SPIDR: variants seen among roughly 807,000 people sequenced by gnomAD.
The protein encoded by SPIDR is DNA repair-scaffolding protein.
Under a neutral mutation model 104.6 loss-of-function variants are expected in SPIDR, and 93 were observed. That is an observed-to-expected ratio of 0.89 (90% CI 0.75 to 1.06). SPIDR has a LOEUF of 1.06. Ranked by LOEUF, SPIDR falls within the 50% of genes least tolerant of loss-of-function variation. SPIDR has a pLI of 0.00. For synonymous variants in SPIDR, 431 were observed against 416.9 expected, an observed-to-expected ratio of 1.03 and a Z score of -0.41; for missense variants, 1,154 against 1,111.2, an observed-to-expected ratio of 1.04 and a Z score of -0.55.
chr8:47,480,996 A>T (rs1387379286), intron 8 of SPIDR, among the ~76,000 whole-genome samples: 3 of 152,260 alleles, frequency 2.0e-5, no homozygotes, highest in African/African-American at 7.2e-5. Context: ...GTTCAAGATA[A>T]TTGGCAAAGC....
At chr8:47,298,928 G>A (rs369120883) in intron 5 of SPIDR, among the ~76,000 whole-genome samples, 2,981 of 152,238 alleles carry the variant, frequency 0.02, 237 homozygotes, top group Admixed American at 0.14. Flanking sequence ...GATTGACTTG[G>A]CAATGCAGGC....
At chr8:47,409,646 A>G (rs547379900) in intron 7 of SPIDR, among the ~76,000 whole-genome samples, 2 of 152,354 alleles carry the variant, frequency 1.3e-5, no homozygotes, top group South Asian at 4.1e-4. Flanking sequence ...ATTCTTCTAA[A>G]TAGATCACTC....
intron 8 of SPIDR, among the ~76,000 whole-genome samples, chr8:47,517,633 AC>A (rs1310900284): frequency 2.0e-5 from 3 of 152,256 alleles, no homozygotes; most frequent in African/African-American, 7.2e-5. Flanking sequence ...TCAGAAAAAA[AC>A]ATACTTTTAA....
At chr8:47,585,335 A>C (rs1003333634) in intron 8 of SPIDR, among the ~76,000 whole-genome samples, 5 of 152,212 alleles carry the variant, frequency 3.3e-5, no homozygotes, top group Admixed American at 2.0e-4. Context: ...AGTCTTAAAG[A>C]CTGGAAAACT....
chr8:47,630,277 A>C (rs1199627552), intron 10 of SPIDR, among the ~76,000 whole-genome samples: 1 of 152,226 alleles, frequency 6.6e-6, no homozygotes, highest in East Asian at 1.9e-4. Context: ...AAGGAAAAAC[A>C]TGTAAAATAT....
At chr8:47,386,895 A>C (rs2059976490) in intron 5 of SPIDR, among the ~76,000 whole-genome samples, 1 of 75,810 alleles carries the variant, frequency 1.3e-5, no homozygotes, top group South Asian at 3.8e-4. Context: ...AGAGAGAAAG[A>C]GAGAGAGAGA....
intron 1 of SPIDR, among the ~76,000 whole-genome samples, chr8:47,263,042 T>G (rs1474620214): frequency 6.6e-6 from 1 of 152,250 alleles, no homozygotes; most frequent in Non-Finnish European, 1.5e-5. Context: ...CTAATTTAAT[T>G]ATTTTAACAG....
At position 47,718,932 on chromosome 8, in the gene SPIDR, G is replaced by A. The variant is rs896445415; in HGVS notation, c.2341+5291G>A. 9.9e-5 allele frequency among the ~76,000 whole-genome samples: 15 copies of A among 152,024 alleles called. 1 individual carries two copies. Among genetic ancestry groups the A allele is most frequent in the Admixed American group, 7.9e-4 (12 of 15,254 alleles). ...TTCTTGATGCTCTCCCTTCCCCTAC[G>A]CAGGGCTCCTTCTAAATAGAGAAAA... is the stretch of plus-strand genomic sequence containing the variant. On this transcript the variant is annotated intron_variant, in intron 16 of 19. Transcript: ENST00000297423.
chr8:47,355,241 C>T (rs552871122), intron 5 of SPIDR, among the ~76,000 whole-genome samples: 3 of 148,474 alleles, frequency 2.0e-5, no homozygotes, highest in South Asian at 4.2e-4. Context: ...CAGGCGTGAG[C>T]CACCATGCCT....
At chr8:47,653,041 T>C (rs2071973256) in intron 10 of SPIDR, among the ~76,000 whole-genome samples, 1 of 152,178 alleles carries the variant, frequency 6.6e-6, no homozygotes, top group South Asian at 2.1e-4. Flanking sequence ...TATAAGCAAC[T>C]GTCTTCTCAT....
intron 11 of SPIDR, among the ~76,000 whole-genome samples, chr8:47,687,735 TC>T (rs1365228246): frequency 6.6e-6 from 1 of 152,214 alleles, no homozygotes; most frequent in Non-Finnish European, 1.5e-5. Flanking sequence ...TCCATGTTTT[TC>T]TTTACAGTTA....
intron 10 of SPIDR, among the ~76,000 whole-genome samples, chr8:47,649,815 A>G (rs2071272714): frequency 6.6e-6 from 1 of 152,244 alleles, no homozygotes; most frequent in South Asian, 2.1e-4. Flanking sequence ...ATACAGGTCA[A>G]TAAATATGAT....
chr8:47,547,185 G>T (rs2089558412), intron 8 of SPIDR: 2 of 642,996 alleles, frequency 3.1e-6, no homozygotes, highest in Non-Finnish European at 5.8e-6. Context: ...CCAGATGAGG[G>T]ATTCCTTTTG....
chr8:47,602,782 T>A (rs1441184688), intron 10 of SPIDR, among the ~76,000 whole-genome samples: 2 of 152,214 alleles, frequency 1.3e-5, no homozygotes, highest in African/African-American at 4.8e-5. Flanking sequence ...CTAGTCCTAT[T>A]CAGGGTCAGA....
intron 5 of SPIDR, among the ~76,000 whole-genome samples, chr8:47,383,792 T>C (rs2059589435): frequency 6.6e-6 from 1 of 152,210 alleles, no homozygotes; most frequent in East Asian, 1.9e-4. Flanking sequence ...TAAGTAAAAC[T>C]ATATATTTGT....
intron 8 of SPIDR, among the ~76,000 whole-genome samples, chr8:47,506,624 A>G (rs1221021981): frequency 3.9e-5 from 6 of 152,136 alleles, no homozygotes; most frequent in South Asian, 2.1e-4. Flanking sequence ...AGAAGTATGC[A>G]TAATTATTAG....
intron 8 of SPIDR, among the ~76,000 whole-genome samples, chr8:47,506,016 T>C (rs187363144): frequency 1.3e-5 from 2 of 152,362 alleles, no homozygotes; most frequent in Admixed American, 6.5e-5. Context: ...AACTATAAAA[T>C]GGAAAATTAT....
At chr8:47,664,083 A>G (rs1302647043) in intron 10 of SPIDR, among the ~76,000 whole-genome samples, 6 of 152,158 alleles carry the variant, frequency 3.9e-5, no homozygotes, top group Non-Finnish European at 8.8e-5. Flanking sequence ...CTTTCTAGAG[A>G]CTAACCTGGG....
At chr8:47,292,888 A>T (rs2040174919) in intron 4 of SPIDR, among the ~76,000 whole-genome samples, 1 of 151,964 alleles carries the variant, frequency 6.6e-6, no homozygotes, top group African/African-American at 2.4e-5. Context: ...TGAATGAAGG[A>T]GTGAATGAAT....
Sources: gnomAD v4.1 joint callset for allele counts (sites outside exome capture counted in the v4.1 genomes callset) on GRCh38, gnomAD v4.1.1 for gene constraint, MANE v1.5 for transcripts, NCBI Gene and HGNC (gene_info 2026-07-23, HGNC 2026-07-21) for gene names.